MTURN: variants seen among roughly 807,000 people sequenced by gnomAD.
MTURN encodes maturin.
Under a neutral mutation model 14.9 loss-of-function variants are expected in MTURN, and 7 were observed. The ratio of observed to expected loss-of-function variants is 0.47; its 90% confidence interval spans 0.27 to 0.88. The LOEUF is 0.88. Ranked by LOEUF, MTURN falls within the 40% of genes least tolerant of loss-of-function variation. The pLI is 0.14. For missense variants in MTURN, 151 were observed against 174.1 expected (o/e 0.87, Z 0.75); for synonymous variants, 69 against 72.5 (o/e 0.95, Z 0.25).
chr7:30,135,536 G>C (rs1313875050), intron 1 of MTURN, among the ~76,000 whole-genome samples: 6 of 151,842 alleles, frequency 4.0e-5, no homozygotes, highest in Non-Finnish European at 7.4e-5. Context: ...GGGGAGCCGG[G>C]TCGGGGCGGG....
intron 1 of MTURN, 179 bp from the exon 2 acceptor site, chr7:30,145,998 A>AT: frequency 6.5e-7 from 1 of 1,549,246 alleles, no homozygotes. Flanking sequence ...TAGATTAGAC[A>AT]TTTTTTCTTC....
rs2128028788 is a variant in MTURN at position 30,135,273 on chromosome 7, C to G, written c.137C>G (p.Pro46Arg). The change falls in exon 1 of 3, where the codon CCG (proline) becomes CGG (arginine). Residue 46 changes from proline (P) to arginine (R), a missense_variant. Coordinates refer to ENST00000324453, the MANE Select transcript of MTURN (RefSeq NM_152793.3). ...GGCGTCTCCTTCTATGTGCTGTGTC[C>G]GGACAACGGCTGCGGCGACAATTTT... ...DPGVSFYVLCPDNGCGDNFHV... is the reference protein window; with the variant it reads ...DPGVSFYVLCRDNGCGDNFHV... 6.5e-7 allele frequency: 1 copy of G among 1,527,368 alleles called. No individual in the cohort carries two copies. The highest frequency in any genetic ancestry group is 8.8e-7 in the Non-Finnish European group (1 of 1,136,704). 94.6% of individuals were successfully genotyped at this position (1,527,368 alleles called of 1,614,324 possible). A position where few individuals can be genotyped will look rare whatever the true frequency, so the allele number is the denominator to read the frequency against.
In MTURN at chr7:30,157,597, T is replaced by A. The variant is rs940328602; in HGVS notation, c.*49T>A. ...AGAGTGAGCCCCACAGTAACCTAGG[T>A]GGGGTCACTGCCCCTCCTGGGTTAG... On this transcript the variant is annotated 3_prime_UTR_variant, in exon 3 of 3. Transcript: ENST00000324453. The A allele has an allele frequency of 7.8e-6, 11 of 1,408,532 alleles. No individual in the cohort carries two copies. In the African/African-American group the frequency reaches 1.6e-4, roughly 21 times the overall value. 87.3% of individuals were successfully genotyped at this position (1,408,532 alleles called of 1,614,324 possible). A position where few individuals can be genotyped will look rare whatever the true frequency, so the allele number is the denominator to read the frequency against.
chr7:30,153,040 G>A (rs887836284), intron 2 of MTURN, among the ~76,000 whole-genome samples: 1 of 152,150 alleles, frequency 6.6e-6, no homozygotes, highest in African/African-American at 2.4e-5. Context: ...CACTGAAATA[G>A]GAATAAATGA....
At chr7:30,151,798 C>A (rs752593571) in intron 2 of MTURN, among the ~76,000 whole-genome samples, 2 of 152,180 alleles carry the variant, frequency 1.3e-5, no homozygotes, top group Non-Finnish European at 2.9e-5. Context: ...GGCCCAAGTC[C>A]TCTCCTGGGC....
At chr7:30,139,868 C>T (rs1226767042) in intron 1 of MTURN, among the ~76,000 whole-genome samples, 2 of 152,172 alleles carry the variant, frequency 1.3e-5, no homozygotes, top group Non-Finnish European at 2.9e-5. Flanking sequence ...ATGATCAGGG[C>T]CTGGGGTGAA....
In MTURN at chr7:30,160,240, G is replaced by T. The variant is rs1196040043; in HGVS notation, c.*2692G>T. On this transcript the variant is annotated 3_prime_UTR_variant, in exon 3 of 3. Transcript: ENST00000324453. ...GCCAAGGTGCTGCCTTTAGGATGCT[G>T]ACCCCTGCACTACCTTAGAACATGT... 6.6e-6 allele frequency: 1 copy of T among 152,320 alleles called. No homozygotes were observed. Among genetic ancestry groups the T allele is most frequent in the African/African-American group, 2.4e-5 (1 of 41,452 alleles). The allele number at this position is 152,320 out of a possible 1,614,324, so 9.4% of individuals were successfully genotyped here. A position where few individuals can be genotyped will look rare whatever the true frequency, so the allele number is the denominator to read the frequency against.
intron 1 of MTURN, among the ~76,000 whole-genome samples, chr7:30,135,597 C>G (rs1796937573): frequency 6.6e-6 from 1 of 152,110 alleles, no homozygotes; most frequent in South Asian, 2.1e-4. Context: ...CTGCGGGCGC[C>G]GTTTCGGGAA....
In MTURN at chr7:30,159,976, G is replaced by A. The variant is rs965205057; in HGVS notation, c.*2428G>A. 9.2e-5 allele frequency: 14 copies of A among 152,524 alleles called. No homozygotes were observed. Among genetic ancestry groups the A allele is most frequent in the Admixed American group, 9.1e-4 (14 of 15,304 alleles). The allele number at this position is 152,524 out of a possible 1,614,324, so 9.4% of individuals were successfully genotyped here. A position where few individuals can be genotyped will look rare whatever the true frequency, so the allele number is the denominator to read the frequency against. ...CTTACACATTTACTCACCAGGAGGT[G>A]GCAGCGGTGTGGGAGGAGGAGTGTT... On this transcript the variant is annotated 3_prime_UTR_variant, in exon 3 of 3. Transcript: ENST00000324453.
In MTURN at chr7:30,157,707, A is replaced by G; in HGVS notation, c.*159A>G. 2.3e-6 allele frequency: 1 copy of G among 432,056 alleles called. No individual in the cohort carries two copies. The highest frequency in any genetic ancestry group is 4.1e-6 in the Non-Finnish European group (1 of 243,302). 26.8% of individuals were successfully genotyped at this position (432,056 alleles called of 1,614,324 possible). On this transcript the variant is annotated 3_prime_UTR_variant, in exon 3 of 3. Coordinates refer to ENST00000324453, the MANE Select transcript of MTURN (RefSeq NM_152793.3). The stretch of plus-strand genomic sequence containing the variant: ...AATACCTTTTTAACGACCACAAAAT[A>G]TCTGTGATGAGCTTTGCTCAGAAGT...
Position 30,149,084 on chromosome 7 carries a change from A to G in MTURN, c.285+2785A>G, listed in dbSNP as rs1490048108. Reference sequence around the variant, plus strand: ...GGAAGGGGAGCTCCAGCCGGGAGTCACTGTGCTGTTTTTCCTTACCGAGGC... The same window carrying G: ...GGAAGGGGAGCTCCAGCCGGGAGTCGCTGTGCTGTTTTTCCTTACCGAGGC... On this transcript the variant is annotated intron_variant, in intron 2 of 2. Transcript: ENST00000324453. Among the ~76,000 whole-genome samples the G allele has an allele frequency of 2.6e-5, 4 of 152,086 alleles. No homozygotes were observed. In the East Asian group the frequency reaches 5.8e-4, roughly 22 times the overall value.
rs141864645 is a variant in MTURN at position 30,137,979 on chromosome 7, A to G, written c.162+2681A>G. On this transcript the variant is annotated intron_variant, in intron 1 of 2. Transcript: ENST00000324453. Reference sequence around the variant, plus strand: ...TCTCTGCCTTCATGTTCCTGGGGCAATTTTTACTTGTCTAGGAAGCAGTGT... The same window carrying G: ...TCTCTGCCTTCATGTTCCTGGGGCAGTTTTTACTTGTCTAGGAAGCAGTGT... Among the ~76,000 whole-genome samples, 491 of 152,126 alleles carry G rather than the reference A, an allele frequency of 3.2e-3. 2 individuals are homozygous for G. Among genetic ancestry groups the G allele is most frequent in the African/African-American group, 0.011 (465 of 41,492 alleles).
At chr7:30,153,774 A>G (rs539474701) in intron 2 of MTURN, among the ~76,000 whole-genome samples, 7 of 152,134 alleles carry the variant, frequency 4.6e-5, no homozygotes, top group South Asian at 4.2e-4. Flanking sequence ...CTGGAGTGCA[A>G]TGGCACGATC....
intron 1 of MTURN, among the ~76,000 whole-genome samples, chr7:30,142,241 A>G (rs970249090): frequency 6.6e-6 from 1 of 152,242 alleles, no homozygotes; most frequent in African/African-American, 2.4e-5. Context: ...CTGACTTCAC[A>G]GGAAGAAGGG....
intron 1 of MTURN, among the ~76,000 whole-genome samples, chr7:30,140,170 C>T (rs1459645692): frequency 6.6e-6 from 1 of 152,104 alleles, no homozygotes; most frequent in Non-Finnish European, 1.5e-5. Context: ...ACTGCCCAGC[C>T]CATCTGGGGG....
intron 1 of MTURN, 131 bp downstream of exon 1, chr7:30,135,429 C>T (rs1430117281): frequency 1.4e-6 from 1 of 740,494 alleles, no homozygotes; most frequent in African/African-American, 1.9e-5. Flanking sequence ...CGCCCCGCGC[C>T]CCGCGTGCTC....
intron 2 of MTURN, among the ~76,000 whole-genome samples, chr7:30,154,279 A>C (rs1441948070): frequency 1.3e-5 from 2 of 152,076 alleles, no homozygotes; most frequent in Non-Finnish European, 2.9e-5. Context: ...TAGGATTTTC[A>C]CTCAACACCC....
At chr7:30,148,546 G>A (rs572673732) in intron 2 of MTURN, among the ~76,000 whole-genome samples, 2 of 152,256 alleles carry the variant, frequency 1.3e-5, no homozygotes, top group Non-Finnish European at 2.9e-5. Flanking sequence ...TGAGGCCATT[G>A]CTGTCATCCA....
chr7:30,146,180 G>T lies in MTURN; in HGVS notation c.166G>T (p.Val56Leu), dbSNP rs200455267. Residue 56 changes from valine to leucine, a missense_variant, in exon 2 of 3, where the codon GTG becomes TTG. By Grantham distance (32) the Val-to-Leu change is conservative. Coordinates refer to ENST00000324453, the MANE Select transcript of MTURN (RefSeq NM_152793.3). ...PDNGCGDNFHVWSESEDCLPF... is the reference protein window; with the variant it reads ...PDNGCGDNFHLWSESEDCLPF... Reference sequence around the variant, plus strand: ...TCCGTCGCCCGTGGGCACGCAGCACGTGTGGAGTGAGAGCGAGGACTGCCT... The same window carrying T: ...TCCGTCGCCCGTGGGCACGCAGCACTTGTGGAGTGAGAGCGAGGACTGCCT... 1.2e-6 allele frequency: 2 copies of T among 1,614,164 alleles called. No individual in the cohort carries two copies. The highest frequency in any genetic ancestry group is 1.7e-6 in the Non-Finnish European group (2 of 1,180,034).
Sources: gnomAD v4.1 joint callset for allele counts (sites outside exome capture counted in the v4.1 genomes callset) on GRCh38, gnomAD v4.1.1 for gene constraint, MANE v1.5 for transcripts, NCBI Gene and HGNC (gene_info 2026-07-23, HGNC 2026-07-21) for gene names.